The following DDX60L variants were observed in gnomAD, a reference collection of about 807,000 sequenced individuals.
DDX60L encodes the protein probable ATP-dependent RNA helicase DDX60-like.
DDX60L carries 191 observed loss-of-function variants against 211.6 expected under a neutral mutation model. That is an observed-to-expected ratio of 0.90 (90% CI 0.80 to 1.02). DDX60L has a LOEUF of 1.02. Among genes scored for constraint, DDX60L ranks in the 50% least tolerant of loss-of-function variants. The pLI, the probability that DDX60L is intolerant of heterozygous loss-of-function variation, is 0.00. For missense variants in DDX60L, 2,007 were observed against 1,984.1 expected, an observed-to-expected ratio of 1.01 and a Z score of -0.22; for synonymous variants, 706 against 694.1, an observed-to-expected ratio of 1.02 and a Z score of -0.27.
At chr4:168,459,003 T>C (rs1479966904) in intron 5 of DDX60L, among the ~76,000 whole-genome samples, 1 of 152,138 alleles carries the variant, frequency 6.6e-6, no homozygotes, top group African/African-American at 2.4e-5. Context: ...CTTTCAAAAA[T>C]ATAGAAACTT....
chr4:168,442,176 C>T (rs540543789), intron 9 of DDX60L, among the ~76,000 whole-genome samples: 2 of 152,234 alleles, frequency 1.3e-5, no homozygotes, highest in South Asian at 4.1e-4. Flanking sequence ...CAGGGCGAGG[C>T]ATTGCCTCAC....
chr4:168,414,499 C>T (rs988815938), intron 22 of DDX60L, among the ~76,000 whole-genome samples: 1 of 152,076 alleles, frequency 6.6e-6, no homozygotes, highest in African/African-American at 2.4e-5. Context: ...AGCAATACCA[C>T]TGCTACATAT....
At chr4:168,438,935 G>A (rs1753443897) in intron 10 of DDX60L, among the ~76,000 whole-genome samples, 1 of 152,184 alleles carries the variant, frequency 6.6e-6, no homozygotes, top group Non-Finnish European at 1.5e-5. Context: ...ATACAATGTA[G>A]TCATAATAGT....
At chr4:168,449,589 C>A (rs1755371570) in intron 8 of DDX60L, among the ~76,000 whole-genome samples, 1 of 95,448 alleles carries the variant, frequency 1.0e-5, no homozygotes, top group Non-Finnish European at 1.9e-5. Context: ...ACAATGTGCA[C>A]ATGTACCCTA....
chr4:168,369,325 T>C (rs1403703589), intron 36 of DDX60L, among the ~76,000 whole-genome samples: 7 of 152,202 alleles, frequency 4.6e-5, no homozygotes, highest in Admixed American at 3.9e-4. Flanking sequence ...TCTCTTCTCT[T>C]GTCTGCGGCC....
chr4:168,398,917 T>C (rs537396887), intron 26 of DDX60L, among the ~76,000 whole-genome samples: 10 of 150,774 alleles, frequency 6.6e-5, no homozygotes, highest in African/African-American at 2.4e-4. Flanking sequence ...TTCTCTCCAC[T>C]GAGAGCTAAG....
intron 8 of DDX60L, among the ~76,000 whole-genome samples, chr4:168,451,743 C>G (rs1306125752): frequency 6.6e-6 from 1 of 152,150 alleles, no homozygotes. Flanking sequence ...TTAACAGAGC[C>G]AACAAGTACT....
At chr4:168,457,773 T>C (rs777072726) in intron 6 of DDX60L, 119 bp downstream of exon 6, 75 of 510,780 alleles carry the variant, frequency 1.5e-4, no homozygotes, top group Non-Finnish European at 2.3e-4. Flanking sequence ...ATAGTATACA[T>C]GTACTAAGGA....
chr4:168,447,679 A>G (rs1755029732), intron 9 of DDX60L, among the ~76,000 whole-genome samples: 1 of 151,188 alleles, frequency 6.6e-6, no homozygotes, highest in South Asian at 2.1e-4. Context: ...CATATACACC[A>G]TGGAATACTA....
chr4:168,368,475 G>A (rs1206255226), intron 36 of DDX60L, among the ~76,000 whole-genome samples: 1 of 152,234 alleles, frequency 6.6e-6, no homozygotes, highest in Non-Finnish European at 1.5e-5. Flanking sequence ...TGCAGGAGCA[G>A]GGCCCCCATG....
Position 168,372,757 on chromosome 4 carries a change from G to GAGGGA in DDX60L, c.4776+904_4776+908dup, listed in dbSNP as rs1741256233. 2.0e-5 allele frequency among the ~76,000 whole-genome samples: 3 copies of GAGGGA among 151,172 alleles called. No homozygotes were observed. In the South Asian group the frequency reaches 6.3e-4, roughly 32 times the overall value. On this transcript the variant is annotated intron_variant, in intron 35 of 37. Transcript: ENST00000682922. ...AAAAGTGGGGAAAGGGAGGGGAGTC[G>GAGGGA]AGGGAAGGGGAGGGGAGGGAAGGGA...
chr4:168,375,206 C>T (rs1340610964), intron 34 of DDX60L, among the ~76,000 whole-genome samples, 171 bp downstream of exon 34: 6 of 152,174 alleles, frequency 3.9e-5, no homozygotes, highest in East Asian at 1.9e-4. Flanking sequence ...GAGCCATTAT[C>T]ACACCCTACA....
At chr4:168,360,066 C>T (rs1738842804) in intron 37 of DDX60L, among the ~76,000 whole-genome samples, 4 of 152,048 alleles carry the variant, frequency 2.6e-5, no homozygotes, top group East Asian at 1.9e-4. Context: ...TTCTATAATG[C>T]TTTTTCCGAT....
chr4:168,421,549 T>C (rs149459680), intron 17 of DDX60L, among the ~76,000 whole-genome samples: 1 of 151,890 alleles, frequency 6.6e-6, no homozygotes, highest in East Asian at 1.9e-4. Flanking sequence ...CAGCTACTCA[T>C]GAGGCTGAGG....
intron 27 of DDX60L, among the ~76,000 whole-genome samples, chr4:168,395,476 T>C (rs1417830003): frequency 6.6e-6 from 1 of 152,252 alleles, no homozygotes. Flanking sequence ...TTTTATTTTC[T>C]ATTTTCAAGT....
At chr4:168,364,163 A>G (rs1374273922) in intron 36 of DDX60L, among the ~76,000 whole-genome samples, 1 of 152,202 alleles carries the variant, frequency 6.6e-6, no homozygotes, top group Non-Finnish European at 1.5e-5. Flanking sequence ...TGACTACTAC[A>G]GAATCACCTC....
At chr4:168,468,782 T>A (rs1239242061) in intron 4 of DDX60L, 2 of 152,182 alleles carry the variant, frequency 1.3e-5, no homozygotes, top group Non-Finnish European at 2.9e-5. Flanking sequence ...GATTGCAGGA[T>A]ACCAGTTAAC....
intron 10 of DDX60L, among the ~76,000 whole-genome samples, chr4:168,435,057 A>G (rs1752852608): frequency 6.6e-6 from 1 of 152,192 alleles, no homozygotes; most frequent in African/African-American, 2.4e-5. Context: ...CTGAACTGGC[A>G]CTAATTCCAG....
At chr4:168,433,834 A>C (rs1330823071) in intron 10 of DDX60L, among the ~76,000 whole-genome samples, 1 of 152,224 alleles carries the variant, frequency 6.6e-6, no homozygotes, top group African/African-American at 2.4e-5. Context: ...TAATGAGGAT[A>C]TGATGCCAGT....
Sources: gnomAD v4.1 joint callset for allele counts (sites outside exome capture counted in the v4.1 genomes callset) on GRCh38, gnomAD v4.1.1 for gene constraint, MANE v1.5 for transcripts, NCBI Gene and HGNC (gene_info 2026-07-23, HGNC 2026-07-21) for gene names.